Variants in DAB1 observed in about 807,000 individuals in gnomAD.
The protein encoded by DAB1 is disabled homolog 1.
Under a neutral mutation model 64.6 loss-of-function variants are expected in DAB1, and 15 were observed. The ratio of observed to expected loss-of-function variants is 0.23; its 90% CI spans 0.16 to 0.36. The LOEUF (loss-of-function observed/expected upper bound fraction) is 0.36. Ranked by LOEUF, DAB1 falls within the 10% of genes least tolerant of loss-of-function variation. The probability of loss-of-function intolerance (pLI) is 1.00; values close to 1 mark genes in which losing one functional copy is unlikely to be tolerated. For missense variants in DAB1, 596 were observed against 706.7 expected, an observed-to-expected ratio of 0.84 and a Z score of 1.78; for synonymous variants, 235 against 251.9, an observed-to-expected ratio of 0.93 and a Z score of 0.64.
At chr1:57,684,554 A>G (rs1239426949) in intron 6 of DAB1, among the ~76,000 whole-genome samples, 1 of 152,204 alleles carries the variant, frequency 6.6e-6, no homozygotes, top group Non-Finnish European at 1.5e-5. Flanking sequence ...TTATTCTCAG[A>G]AAAGCAAATG....
intron 6 of DAB1, among the ~76,000 whole-genome samples, chr1:57,798,300 AG>A (rs1650964752): frequency 6.6e-6 from 1 of 152,228 alleles, no homozygotes; most frequent in East Asian, 1.9e-4. Flanking sequence ...CAGCAAATTA[AG>A]GGCAAACCTG....
chr1:57,719,290 A>T (rs559856376), intron 6 of DAB1, among the ~76,000 whole-genome samples: 1 of 152,324 alleles, frequency 6.6e-6, no homozygotes, highest in East Asian at 1.9e-4. Context: ...TATTTACAGG[A>T]GCCAGCACGG....
chr1:57,647,826 G>C (rs1211145088), intron 7 of DAB1, among the ~76,000 whole-genome samples: 1 of 152,158 alleles, frequency 6.6e-6, no homozygotes, highest in Non-Finnish European at 1.5e-5. Flanking sequence ...CTTGGATAGG[G>C]CCTCACAGGG....
In DAB1 at chr1:57,560,185, C is replaced by T. The variant is rs1423474827; in HGVS notation, n.625+89407G>A. Among the ~76,000 whole-genome samples the T allele has an allele frequency of 2.0e-5, 3 of 152,214 alleles. No homozygotes were observed. In the East Asian group the frequency reaches 5.8e-4, roughly 29 times the overall value. On this transcript the variant is annotated intron_variant and non_coding_transcript_variant, in intron 7 of 20. Transcript: ENST00000485760. ...TTCAGCTGGCAAGGCCAGCAATATA[C>T]CTCTACTGTCCAACCTCAGTGGTAT...
At chr1:57,262,442 C>T (rs1670251884) in intron 2 of DAB1, among the ~76,000 whole-genome samples, 1 of 152,186 alleles carries the variant, frequency 6.6e-6, no homozygotes, top group Non-Finnish European at 1.5e-5. Context: ...GTGCTCCTAC[C>T]CCAGATGCTT....
intron 1 of DAB1, among the ~76,000 whole-genome samples, chr1:57,345,295 T>C (rs193141647): frequency 2.0e-5 from 3 of 152,186 alleles, no homozygotes; most frequent in African/African-American, 7.2e-5. Context: ...ACCTAGCAAA[T>C]AGCACACCAT....
At chr1:57,578,379 C>A (rs1175265036) in intron 7 of DAB1, among the ~76,000 whole-genome samples, 1 of 152,154 alleles carries the variant, frequency 6.6e-6, no homozygotes, top group East Asian at 1.9e-4. Flanking sequence ...AAGTGCTTAC[C>A]CTATGAGTTC....
intron 4 of DAB1, chr1:58,228,891 C>T (rs886997384): frequency 1.8e-5 from 10 of 554,982 alleles, no homozygotes; most frequent in African/African-American, 7.6e-5. Context: ...CCGCAGGCAA[C>T]CTAACAACAG....
intron 2 of DAB1, among the ~76,000 whole-genome samples, chr1:57,285,818 T>C (rs1185012824): frequency 1.3e-5 from 2 of 152,290 alleles, no homozygotes; most frequent in Admixed American, 6.5e-5. Context: ...CCCCCAGAAA[T>C]ATCTATCTGT....
At position 57,224,044 on chromosome 1, in the gene DAB1, C is replaced by T. The variant is rs890570852; in HGVS notation, c.67+66920G>A. On this transcript the variant is annotated intron_variant, in intron 2 of 14. Coordinates refer to ENST00000371236, the MANE Select transcript of DAB1 (RefSeq NM_001365792.1). ...CCCTTCCAAAACACCCTGCCTTGCA[C>T]TTAGAACTTTACACTGCTATTGCTA... 2.0e-5 allele frequency among the ~76,000 whole-genome samples: 3 copies of T among 152,198 alleles called. No homozygotes were observed. In the South Asian group the frequency reaches 6.2e-4, roughly 32 times the overall value.
chr1:57,123,004 G>T (rs1334828036), intron 4 of DAB1, among the ~76,000 whole-genome samples: 1 of 151,956 alleles, frequency 6.6e-6, no homozygotes, highest in Admixed American at 6.6e-5. Context: ...GAAATTACTT[G>T]CCCAAGATAC....
chr1:57,980,809 G>A (rs940976972), intron 5 of DAB1, among the ~76,000 whole-genome samples: 20 of 151,934 alleles, frequency 1.3e-4, no homozygotes, highest in African/African-American at 4.8e-4. Flanking sequence ...CTGCAAAATA[G>A]TCATAGTTTT....
chr1:57,483,784 C>T (rs978203749), intron 7 of DAB1, among the ~76,000 whole-genome samples: 5 of 151,950 alleles, frequency 3.3e-5, no homozygotes, highest in South Asian at 2.1e-4. Flanking sequence ...ATGAAGACAC[C>T]GATGGTGATT....
intron 7 of DAB1, among the ~76,000 whole-genome samples, chr1:57,535,404 C>A (rs1178634189): frequency 6.6e-6 from 1 of 151,674 alleles, no homozygotes; most frequent in Non-Finnish European, 1.5e-5. Flanking sequence ...ACCTTGTTGC[C>A]TGAAGTTACC....
At chr1:57,790,943 A>T (rs1557482896) in intron 6 of DAB1, among the ~76,000 whole-genome samples, 1 of 152,206 alleles carries the variant, frequency 6.6e-6, no homozygotes, top group Non-Finnish European at 1.5e-5. Context: ...GTAGATAGCT[A>T]TTAGGACTAA....
At chr1:57,824,593 A>T (rs1167398899), downstream of DAB1, among the ~76,000 whole-genome samples, 2 of 152,184 alleles carry the variant, frequency 1.3e-5, no homozygotes, top group African/African-American at 4.8e-5. Context: ...CACCAATAAC[A>T]TGTACACAGA....
intron 1 of DAB1, among the ~76,000 whole-genome samples, chr1:57,870,123 G>C (rs576590480): frequency 6.6e-6 from 1 of 152,110 alleles, no homozygotes; most frequent in Admixed American, 6.6e-5. Context: ...CTACCTTGCA[G>C]GTTTGATATG....
intron 5 of DAB1, among the ~76,000 whole-genome samples, chr1:58,089,837 C>T (rs1001232874): frequency 6.6e-6 from 1 of 152,168 alleles, no homozygotes; most frequent in Non-Finnish European, 1.5e-5. Context: ...GTGAAAACTG[C>T]CAGCACCCAG....
intron 2 of DAB1, among the ~76,000 whole-genome samples, chr1:57,196,766 G>C (rs932062823): frequency 7.9e-5 from 12 of 152,228 alleles, no homozygotes; most frequent in African/African-American, 2.9e-4. Flanking sequence ...TGAAGAATCA[G>C]TGATGCCAAT....
Sources: gnomAD v4.1 joint callset for allele counts (sites outside exome capture counted in the v4.1 genomes callset) on GRCh38, gnomAD v4.1.1 for gene constraint, MANE v1.5 for transcripts, NCBI Gene and HGNC (gene_info 2026-07-23, HGNC 2026-07-21) for gene names.